CSMD1: variants seen among roughly 807,000 people sequenced by gnomAD.
CSMD1 encodes the protein CUB and Sushi multiple domains 1.
Under a neutral mutation model 417.5 loss-of-function variants are expected in CSMD1, and 213 were observed. The ratio of observed to expected loss-of-function variants is 0.51; its 90% CI spans 0.46 to 0.57. CSMD1 has a LOEUF of 0.57. CSMD1 is among the 20% of genes least tolerant of loss of function. The pLI, the probability that CSMD1 is intolerant of heterozygous loss-of-function variation, is 0.00. For synonymous variants in CSMD1, 2,862 were observed against 1,736.8 expected, an observed-to-expected ratio of 1.65 and a Z score of -16.11; for missense variants, 6,923 against 4,529.7, an observed-to-expected ratio of 1.53 and a Z score of -15.17.
intron 1 of CSMD1, among the ~76,000 whole-genome samples, chr8:4,814,957 G>C (rs1023239147): frequency 2.6e-5 from 4 of 152,076 alleles, no homozygotes; most frequent in Non-Finnish European, 2.9e-5. Flanking sequence ...TTATTATAGA[G>C]ACTGATGGAT....
chr8:4,864,896 A>AC (rs61657453), intron 1 of CSMD1, among the ~76,000 whole-genome samples: 92 of 150,070 alleles, frequency 6.1e-4, no homozygotes, highest in South Asian at 1.5e-3. Flanking sequence ...ACACACACAC[A>AC]AACACACACA....
At chr8:4,045,897 G>C (rs1275994162) in intron 3 of CSMD1, among the ~76,000 whole-genome samples, 1 of 151,638 alleles carries the variant, frequency 6.6e-6, no homozygotes, top group East Asian at 1.9e-4. Context: ...TGTCTATGCT[G>C]GTGAACACAC....
chr8:4,767,264 T>G (rs956298586), intron 1 of CSMD1, among the ~76,000 whole-genome samples: 13 of 152,184 alleles, frequency 8.5e-5, no homozygotes, highest in Middle Eastern at 3.2e-3. Flanking sequence ...GAAACAAAAC[T>G]TTTAAATGCC....
At chr8:4,555,843 T>C (rs537586983) in intron 2 of CSMD1, among the ~76,000 whole-genome samples, 1 of 152,216 alleles carries the variant, frequency 6.6e-6, no homozygotes, top group East Asian at 1.9e-4. Context: ...AGTTATAAAA[T>C]ACGAAAATTA....
chr8:3,563,872 G>T (rs1407054744), intron 10 of CSMD1, among the ~76,000 whole-genome samples: 1 of 152,108 alleles, frequency 6.6e-6, no homozygotes, highest in African/African-American at 2.4e-5. Context: ...CTAGGTGACA[G>T]AACTAGACTC....
chr8:3,807,536 G>C (rs557003977), intron 5 of CSMD1, among the ~76,000 whole-genome samples: 1 of 152,244 alleles, frequency 6.6e-6, no homozygotes, highest in East Asian at 1.9e-4. Context: ...AGATACTAAT[G>C]ATATGTTAAT....
chr8:4,758,959 T>C (rs1389507634), intron 1 of CSMD1, among the ~76,000 whole-genome samples: 1 of 152,134 alleles, frequency 6.6e-6, no homozygotes, highest in Non-Finnish European at 1.5e-5. Context: ...AGGGTTTGCC[T>C]GTTGCACAGA....
intron 3 of CSMD1, among the ~76,000 whole-genome samples, chr8:4,057,954 A>G (rs1471319027): frequency 6.6e-6 from 1 of 150,474 alleles, no homozygotes; most frequent in East Asian, 2.0e-4. Flanking sequence ...GCATAGTTTG[A>G]AGTCAGGTAG....
At position 4,663,745 on chromosome 8, in the gene CSMD1, G is replaced by T. The variant is rs1166162548; in HGVS notation, c.86-26187C>A. Among the ~76,000 whole-genome samples the T allele has an allele frequency of 1.3e-5, 2 of 152,190 alleles. 1 individual carries two copies. The highest frequency in any genetic ancestry group is 4.1e-4 in the South Asian group (2 of 4,822). Reference sequence around the variant, plus strand: ...CTTTTAAATAAATTGCCCAGTCACAGGTAGTTCTTTAAAGTAACGTGAGAA... The same window carrying T: ...CTTTTAAATAAATTGCCCAGTCACATGTAGTTCTTTAAAGTAACGTGAGAA... On this transcript the variant is annotated intron_variant, in intron 1 of 69. Transcript: ENST00000635120.
At chr8:3,219,500 T>G in intron 28 of CSMD1, 58 bp from the exon 29 acceptor site, 1 of 1,239,694 alleles carries the variant, frequency 8.1e-7, no homozygotes, top group Non-Finnish European at 1.1e-6. Flanking sequence ...TCTCCCAGAG[T>G]GGTAAGCCTT....
intron 5 of CSMD1, among the ~76,000 whole-genome samples, chr8:3,879,418 G>A (rs987215414): frequency 1.3e-5 from 2 of 152,080 alleles, no homozygotes; most frequent in African/African-American, 4.8e-5. Flanking sequence ...TAATCTGGAG[G>A]AAATGAATCA....
rs186842652 is a variant in CSMD1 at position 4,957,212 on chromosome 8, G to A, written c.85+37120C>T. Reference sequence around the variant, plus strand: ...TGTAGACCTAAAGCTATAGCAAACTGTTCTGCCTGGGAGCCTAATATTACT... The same window carrying A: ...TGTAGACCTAAAGCTATAGCAAACTATTCTGCCTGGGAGCCTAATATTACT... On this transcript the variant is annotated intron_variant, in intron 1 of 69. Coordinates refer to ENST00000635120, the MANE Select transcript of CSMD1 (RefSeq NM_033225.6). Among the ~76,000 whole-genome samples, 4 of 152,326 alleles carry A rather than the reference G, an allele frequency of 2.6e-5. No homozygotes were observed. The East Asian group carries it at 7.7e-4, about 29-fold the overall frequency.
chr8:4,462,728 T>C (rs1010533269), intron 2 of CSMD1, among the ~76,000 whole-genome samples: 2 of 152,010 alleles, frequency 1.3e-5, no homozygotes, highest in African/African-American at 4.8e-5. Context: ...GCCAAAACAA[T>C]CAAGAAAAAA....
intron 3 of CSMD1, among the ~76,000 whole-genome samples, chr8:4,115,190 G>C (rs1019581591): frequency 1.3e-5 from 2 of 152,192 alleles, no homozygotes; most frequent in African/African-American, 4.8e-5. Flanking sequence ...CCAGCCTTCA[G>C]CAACTACCAT....
At chr8:4,884,497 G>A (rs1397599372) in intron 1 of CSMD1, among the ~76,000 whole-genome samples, 1 of 151,956 alleles carries the variant, frequency 6.6e-6, no homozygotes, top group Non-Finnish European at 1.5e-5. Flanking sequence ...TCTTTGTAAG[G>A]ATTTTATAAT....
chr8:4,180,572 TATA>T (rs1160051430), intron 3 of CSMD1, among the ~76,000 whole-genome samples: 7 of 151,462 alleles, frequency 4.6e-5, no homozygotes, highest in Admixed American at 2.0e-4. Flanking sequence ...AAACTTAAAG[TATA>T]ATAATAATTA....
chr8:4,169,811 A>T (rs933894671), intron 3 of CSMD1, among the ~76,000 whole-genome samples: 2 of 152,006 alleles, frequency 1.3e-5, no homozygotes, highest in Non-Finnish European at 2.9e-5. Context: ...CACCAGCAGC[A>T]CTTTCTGTCT....
rs573622081 is a variant in CSMD1 at position 4,716,071 on chromosome 8, G to A, written c.86-78513C>T. On this transcript the variant is annotated intron_variant, in intron 1 of 69. Transcript: ENST00000635120. ...TAAGGGAGCTGACAGAGAAGCTGCTGTTAGAGCTGGGTTGGGGGCAGGGAC... is the reference window on the plus strand; with the variant it reads ...TAAGGGAGCTGACAGAGAAGCTGCTATTAGAGCTGGGTTGGGGGCAGGGAC... Among the ~76,000 whole-genome samples, 9 of 152,324 alleles carry A rather than the reference G, an allele frequency of 5.9e-5. No individual in the cohort carries two copies. In the South Asian group the frequency reaches 1.9e-3, roughly 32 times the overall value.
At chr8:4,306,217 G>C (rs554127316) in intron 3 of CSMD1, among the ~76,000 whole-genome samples, 1 of 152,164 alleles carries the variant, frequency 6.6e-6, no homozygotes, top group Non-Finnish European at 1.5e-5. Flanking sequence ...CTTCAGAAAA[G>C]TTCTTCCAAA....
Sources: gnomAD v4.1 joint callset for allele counts (sites outside exome capture counted in the v4.1 genomes callset) on GRCh38, gnomAD v4.1.1 for gene constraint, MANE v1.5 for transcripts, NCBI Gene and HGNC (gene_info 2026-07-23, HGNC 2026-07-21) for gene names.